PRPSAP2: variants seen among roughly 807,000 people sequenced by gnomAD.
The protein encoded by PRPSAP2 is phosphoribosyl pyrophosphate synthase-associated protein 2.
A neutral mutation model predicts 40.6 loss-of-function variants in PRPSAP2; 24 were observed. The ratio of observed to expected loss-of-function variants is 0.59; its 90% CI spans 0.43 to 0.83. The LOEUF (loss-of-function observed/expected upper bound fraction) is 0.83. PRPSAP2 is among the 40% of genes least tolerant of loss of function. The probability of loss-of-function intolerance (pLI) is 0.00; values close to 1 mark genes in which losing one functional copy is unlikely to be tolerated. For missense variants in PRPSAP2, 292 were observed against 465.6 expected (o/e 0.63, Z 3.43); for synonymous variants, 149 against 164.7 (o/e 0.90, Z 0.73).
chr17:18,920,767 T>C, intron 9 of PRPSAP2, among the ~76,000 whole-genome samples: 1 of 152,300 alleles, frequency 6.6e-6, no homozygotes, highest in Admixed American at 6.5e-5. Context: ...ATATAATATT[T>C]GAAAATATTA....
chr17:18,882,577 AT>A lies in PRPSAP2; in HGVS notation c.423del (p.Ile143LeufsTer21). 6.4e-7 allele frequency: 1 copy of A among 1,568,902 alleles called. No homozygotes were observed. Among genetic ancestry groups the A allele is most frequent in the Non-Finnish European group, 8.8e-7 (1 of 1,139,922 alleles). Reference sequence around the variant, plus strand: ...TGCTTTATTTTCAAAGGTCTAACTCATCTTATTACTATGGATTTACACCAGA... The same window carrying A: ...TGCTTTATTTTCAAAGGTCTAACTCACTTATTACTATGGATTTACACCAGA... ...ASMMCKAGLT[H>X]LITMDLHQKE... On this transcript the variant is annotated frameshift_variant, in exon 7 of 12. Coordinates refer to ENST00000268835, the MANE Select transcript of PRPSAP2 (RefSeq NM_002767.4). LOFTEE classifies it high-confidence loss of function.
chr17:18,895,662 G>A (rs574860002), intron 8 of PRPSAP2, among the ~76,000 whole-genome samples: 1 of 151,444 alleles, frequency 6.6e-6, no homozygotes, highest in Non-Finnish European at 1.5e-5. Context: ...GTCTTGCTCT[G>A]TTGCCCAGGC....
intron 3 of PRPSAP2, 156 bp from the exon 4 acceptor site, chr17:18,867,126 T>A (rs2037488953): frequency 6.6e-6 from 5 of 753,470 alleles, no homozygotes; most frequent in Non-Finnish European, 1.1e-5. Context: ...GGCTAGGTAA[T>A]GGATTGATGT....
At position 18,908,562 on chromosome 17, in the gene PRPSAP2, G is replaced by A. The variant is rs191736747; in HGVS notation, c.585-2541G>A. On this transcript the variant is annotated intron_variant, in intron 8 of 11. Coordinates refer to ENST00000268835, the MANE Select transcript of PRPSAP2 (RefSeq NM_002767.4). ...CGGAGGGACAAGACCCTGAAGATCT[G>A]TGCTAACCACTCTTCACGCTGATAA... 313 of 742,608 alleles carry A rather than the reference G, an allele frequency of 4.2e-4. 1 individual carries two copies. The African/African-American group carries it at 5.1e-3, about 12-fold the overall frequency. 46.0% of individuals were successfully genotyped at this position (742,608 alleles called of 1,614,324 possible).
intron 7 of PRPSAP2, among the ~76,000 whole-genome samples, chr17:18,887,164 A>G (rs1405727643): frequency 6.6e-6 from 1 of 151,022 alleles, no homozygotes; most frequent in African/African-American, 2.4e-5. Flanking sequence ...TGAACTCCCA[A>G]ACTCAGGTTA....
At chr17:18,900,878 C>T (rs2040226989) in intron 8 of PRPSAP2, among the ~76,000 whole-genome samples, 1 of 152,122 alleles carries the variant, frequency 6.6e-6, no homozygotes, top group South Asian at 2.1e-4. Flanking sequence ...AGGGGAGGGG[C>T]ACCTCTTTAC....
At chr17:18,881,499 A>T (rs2038736886) in intron 6 of PRPSAP2, among the ~76,000 whole-genome samples, 1 of 151,764 alleles carries the variant, frequency 6.6e-6, no homozygotes. Context: ...CGGCCTCCCA[A>T]AGTGCTGGGA....
intron 6 of PRPSAP2, 63 bp downstream of exon 6, chr17:18,877,933 C>G: frequency 6.7e-7 from 1 of 1,481,656 alleles, no homozygotes; most frequent in Non-Finnish European, 9.2e-7. Flanking sequence ...TTTATTCTCT[C>G]TTTTTTAAGA....
At chr17:18,915,075 A>G (rs1332623648) in intron 9 of PRPSAP2, among the ~76,000 whole-genome samples, 1 of 137,782 alleles carries the variant, frequency 7.3e-6, no homozygotes, top group Non-Finnish European at 1.5e-5. Context: ...CTCAGGCTGG[A>G]GTGCAGTGGT....
chr17:18,900,721 A>G (rs1030923753), intron 8 of PRPSAP2, among the ~76,000 whole-genome samples: 1 of 151,810 alleles, frequency 6.6e-6, no homozygotes, highest in Non-Finnish European at 1.5e-5. Context: ...CCTTGTGTGG[A>G]CCACCTAAGG....
chr17:18,875,542 G>C (rs919649823), intron 5 of PRPSAP2, among the ~76,000 whole-genome samples: 1 of 151,476 alleles, frequency 6.6e-6, no homozygotes, highest in African/African-American at 2.4e-5. Context: ...TCCAGCCTGG[G>C]TAAAAGAACA....
Position 18,909,237 on chromosome 17 carries a change from G to A in PRPSAP2, c.585-1866G>A, listed in dbSNP as rs1304002509. ...GTATAACCACTTTGGAAAACAGTGT[G>A]GCCTTTTTTTTTTTTTTTTTTTGAG... On this transcript the variant is annotated intron_variant, in intron 8 of 11. Transcript: ENST00000268835. Among the ~76,000 whole-genome samples the A allele has an allele frequency of 1.6e-5, 2 of 127,522 alleles. 1 individual carries two copies. The highest frequency in any genetic ancestry group is 1.8e-4 in the Admixed American group (2 of 11,060). 83.7% of individuals were successfully genotyped at this position (127,522 alleles called of 152,430 possible).
chr17:18,866,916 C>T lies in PRPSAP2; in HGVS notation c.120-366C>T, dbSNP rs1033146457. Among the ~76,000 whole-genome samples, 8 of 152,174 alleles carry T rather than the reference C, an allele frequency of 5.3e-5. No homozygotes were observed. The East Asian group carries it at 1.5e-3, about 29-fold the overall frequency. Reference sequence around the variant, plus strand: ...TGTGAGTTGAGAAACCTGAATGAGCCACCAAGTGAAGGTCTGGAGGCAGAA... The same window carrying T: ...TGTGAGTTGAGAAACCTGAATGAGCTACCAAGTGAAGGTCTGGAGGCAGAA... On this transcript the variant is annotated intron_variant, in intron 3 of 11. Coordinates refer to ENST00000268835, the MANE Select transcript of PRPSAP2 (RefSeq NM_002767.4).
rs564518150 is a variant in PRPSAP2 at position 18,908,023 on chromosome 17, A to G, written c.585-3080A>G. Reference sequence around the variant, plus strand: ...GCGTGGTGGCACACCCTGTAATCCCAGCTACTCGGGAGGCTGAGACAGGAG... The same window carrying G: ...GCGTGGTGGCACACCCTGTAATCCCGGCTACTCGGGAGGCTGAGACAGGAG... On this transcript the variant is annotated intron_variant, in intron 8 of 11. Transcript: ENST00000268835. Among the ~76,000 whole-genome samples the G allele has an allele frequency of 5.3e-4, 81 of 152,270 alleles. No homozygotes were observed. The South Asian group carries it at 0.016, about 30-fold the overall frequency.
chr17:18,899,523 T>G (rs1330468246), intron 8 of PRPSAP2, among the ~76,000 whole-genome samples: 2 of 133,316 alleles, frequency 1.5e-5, no homozygotes, highest in Non-Finnish European at 3.2e-5. Context: ...AACTGAGTTT[T>G]TTTTTTTTTT....
rs148008650 is a variant in PRPSAP2 at position 18,865,848 on chromosome 17, G to A, written c.15G>A (p.Thr5=). Residue 5 remains threonine, a synonymous_variant, in exon 3 of 12, where the codon ACG becomes ACA. Coordinates refer to ENST00000268835, the MANE Select transcript of PRPSAP2 (RefSeq NM_002767.4). Reference sequence around the variant, plus strand: ...AGAAGGTTTTGATGTTTTGTGTGACGCCACCTGAATTAGAAACCAAGATGA... The same window carrying A: ...AGAAGGTTTTGATGTTTTGTGTGACACCACCTGAATTAGAAACCAAGATGA... The part of the protein sequence containing the change: MFCV[T]PPELETKMNI... 3.4e-5 allele frequency: 52 copies of A among 1,509,464 alleles called. 1 individual carries two copies. The African/African-American group carries it at 4.5e-4, about 13-fold the overall frequency. 93.5% of individuals were successfully genotyped at this position (1,509,464 alleles called of 1,614,324 possible).
chr17:18,881,717 A>T (rs555955486), intron 6 of PRPSAP2, among the ~76,000 whole-genome samples: 1 of 151,628 alleles, frequency 6.6e-6, no homozygotes, highest in Non-Finnish European at 1.5e-5. Context: ...TTTGTTTTGT[A>T]GAGGCGGGGT....
intron 11 of PRPSAP2, among the ~76,000 whole-genome samples, 188 bp downstream of exon 11, chr17:18,929,145 T>G (rs2042124841): frequency 6.6e-6 from 1 of 152,064 alleles, no homozygotes; most frequent in African/African-American, 2.4e-5. Context: ...TTACCTGAGG[T>G]CAGGAGTTGG....
At chr17:18,924,480 C>A (rs8080032) in intron 10 of PRPSAP2, among the ~76,000 whole-genome samples, 135,824 of 152,258 alleles carry the variant, frequency 0.89, 61,116 homozygotes, top group Non-Finnish European at 0.94. Flanking sequence ...TAAAATTGCT[C>A]ACTACTGGCT....
Sources: allele counts gnomAD v4.1 joint callset (sites outside exome capture counted in the v4.1 genomes callset), GRCh38; gene constraint gnomAD v4.1.1; transcripts MANE v1.5; gene names NCBI Gene and HGNC (gene_info 2026-07-23, HGNC 2026-07-21).